Variants in RBM25 observed in about 807,000 individuals in gnomAD.
The protein encoded by RBM25 is RNA-binding protein 25.
Under a neutral mutation model 120.7 loss-of-function variants are expected in RBM25, and 19 were observed. The ratio of observed to expected loss-of-function variants is 0.16; its 90% CI spans 0.11 to 0.23. The LOEUF (loss-of-function observed/expected upper bound fraction) is 0.23, where lower values mean the gene tolerates loss of function less well. Ranked by LOEUF, RBM25 falls within the 10% of genes least tolerant of loss-of-function variation. The pLI, the probability that RBM25 is intolerant of heterozygous loss-of-function variation, is 1.00. For synonymous variants in RBM25, 390 were observed against 326.7 expected (o/e 1.19, Z -2.09); for missense variants, 605 against 1,041.5 (o/e 0.58, Z 5.77).
chr14:73,077,634 A>G (rs541990854), intron 4 of RBM25, 98 bp downstream of exon 4: 176 of 1,161,946 alleles, frequency 1.5e-4, no homozygotes, highest in Middle Eastern at 2.6e-4. Context: ...TTTTTATTTT[A>G]AAAAATTTCA....
At chr14:73,065,603 A>G (rs2140421420) in intron 1 of RBM25, among the ~76,000 whole-genome samples, 1 of 151,868 alleles carries the variant, frequency 6.6e-6, no homozygotes, top group East Asian at 1.9e-4. Flanking sequence ...TTTTTGTATT[A>G]GATACGGGGT....
chr14:73,070,452 A>C (rs1895257769), intron 1 of RBM25, among the ~76,000 whole-genome samples: 1 of 152,162 alleles, frequency 6.6e-6, no homozygotes, highest in African/African-American at 2.4e-5. Context: ...TAAAAAAAAA[A>C]ACTATGACTT....
chr14:73,120,758 C>A lies in RBM25; in HGVS notation c.*953C>A, dbSNP rs1896525874. On this transcript the variant is annotated 3_prime_UTR_variant, in exon 19 of 19. Coordinates refer to ENST00000261973, the MANE Select transcript of RBM25 (RefSeq NM_021239.3). ...TACCAAAAAGTGTAAGTGAAAACCC[C>A]CTTTAAAACAAAACAAAAAAATGAA... The A allele has an allele frequency of 6.6e-6, 1 of 151,860 alleles. No homozygotes were observed. Among genetic ancestry groups the A allele is most frequent in the African/African-American group, 2.4e-5 (1 of 41,338 alleles). 9.4% of individuals were successfully genotyped at this position (151,860 alleles called of 1,614,324 possible).
Position 73,121,086 on chromosome 14 carries a change from A to G in RBM25, c.*1281A>G, listed in dbSNP as rs1216406560. On this transcript the variant is annotated 3_prime_UTR_variant, in exon 19 of 19. Transcript: ENST00000261973. ...CCTGAAAACGTAAGAAGTTTTAAACAGCTTTTCACACAAATTAGATGCAAC... is the reference window on the plus strand; with the variant it reads ...CCTGAAAACGTAAGAAGTTTTAAACGGCTTTTCACACAAATTAGATGCAAC... 6.6e-6 allele frequency: 1 copy of G among 152,540 alleles called. No individual in the cohort carries two copies. Among genetic ancestry groups the G allele is most frequent in the Non-Finnish European group, 1.5e-5 (1 of 68,034 alleles). 9.4% of individuals were successfully genotyped at this position (152,540 alleles called of 1,614,324 possible). A position where few individuals can be genotyped will look rare whatever the true frequency, so the allele number is the denominator to read the frequency against.
At chr14:73,073,767 A>G (rs988640944) in intron 2 of RBM25, among the ~76,000 whole-genome samples, 1 of 152,234 alleles carries the variant, frequency 6.6e-6, no homozygotes, top group African/African-American at 2.4e-5. Context: ...AAGCTATTTT[A>G]GACATTATGC....
intron 5 of RBM25, among the ~76,000 whole-genome samples, chr14:73,086,305 G>A (rs1364234086): frequency 1.3e-5 from 2 of 151,878 alleles, no homozygotes; most frequent in African/African-American, 4.8e-5. Flanking sequence ...GAGTGTGGTG[G>A]TGCGCTCCTT....
At chr14:73,080,212 T>A (rs1237795847) in intron 4 of RBM25, among the ~76,000 whole-genome samples, 4 of 123,618 alleles carry the variant, frequency 3.2e-5, no homozygotes, top group East Asian at 2.4e-4. Flanking sequence ...TTCTTACACA[T>A]CTTTTTTTTT....
At position 73,112,139 on chromosome 14, in the gene RBM25, G is replaced by C. The variant is rs758001211; in HGVS notation, c.2293-13G>C. 2 of 1,585,878 alleles carry C rather than the reference G, an allele frequency of 1.3e-6. No individual in the cohort carries two copies. Among genetic ancestry groups the C allele is most frequent in the South Asian group, 2.3e-5 (2 of 86,012 alleles). On this transcript the variant is annotated splice_polypyrimidine_tract_variant and intron_variant, in intron 16 of 18. Transcript: ENST00000261973. ...ACAATTCTTTAATTCAGTAACCGTG[G>C]TTTGTTTTGCAGATACTGATGGAAC... is the stretch of plus-strand genomic sequence containing the variant.
At chr14:73,104,058 C>T (rs530054133) in intron 10 of RBM25, among the ~76,000 whole-genome samples, 2 of 150,904 alleles carry the variant, frequency 1.3e-5, no homozygotes, top group Admixed American at 1.3e-4. Flanking sequence ...TGGTTAATTT[C>T]TGTCTGAAGC....
At chr14:73,111,466 G>A (rs940044357) in intron 15 of RBM25, 62 bp from the exon 16 acceptor site, 3 of 1,477,344 alleles carry the variant, frequency 2.0e-6, no homozygotes, top group Non-Finnish European at 2.7e-6. Flanking sequence ...GAGGGATGGT[G>A]GGTTATAAAA....
chr14:73,110,243 C>G (rs1367337901), intron 14 of RBM25, among the ~76,000 whole-genome samples: 1 of 148,914 alleles, frequency 6.7e-6, no homozygotes, highest in East Asian at 2.0e-4. Context: ...AGTGCAGTAG[C>G]GGAATCTCTG....
At chr14:73,118,837 T>C (rs1321035044) in intron 18 of RBM25, among the ~76,000 whole-genome samples, 1 of 152,090 alleles carries the variant, frequency 6.6e-6, no homozygotes, top group Non-Finnish European at 1.5e-5. Context: ...GGCATGATCT[T>C]GGCTCACTGC....
At chr14:73,065,819 T>C (rs1299623263) in intron 1 of RBM25, among the ~76,000 whole-genome samples, 1 of 152,090 alleles carries the variant, frequency 6.6e-6, no homozygotes, top group Non-Finnish European at 1.5e-5. Context: ...CCTCCCAAAG[T>C]GCTGGGATTA....
rs1488938545 is a variant in RBM25, at chr14:73,111,685, C to T, written c.2175C>T (p.Thr725=). ...ATGGTGAAGATGATAAAAATGCAAC[C>T]AAAGGCACTGTAAACACTGAAGAAA... ...LDYGEDDKNA[T]KGTVNTEEKR... is the part of the protein sequence containing the mutation. Residue 725 remains threonine, a synonymous_variant, in exon 16 of 19, where the codon ACC becomes ACT. Coordinates refer to ENST00000261973, the MANE Select transcript of RBM25 (RefSeq NM_021239.3). 1 of 1,614,028 alleles carries T rather than the reference C, an allele frequency of 6.2e-7. No homozygotes were observed. The highest frequency in any genetic ancestry group is 2.2e-5 in the East Asian group (1 of 44,856).
chr14:73,103,980 ACACACACACACACACT>A (rs1896122504), intron 10 of RBM25, among the ~76,000 whole-genome samples: 13 of 136,736 alleles, frequency 9.5e-5, no homozygotes, highest in South Asian at 9.4e-4. Context: ...ACACACACAC[ACACACACACACACACT>A]CTCTCTCTCT....
At chr14:73,110,344 G>T (rs1289420045) in intron 14 of RBM25, among the ~76,000 whole-genome samples, 1 of 151,938 alleles carries the variant, frequency 6.6e-6, no homozygotes, top group Non-Finnish European at 1.5e-5. Flanking sequence ...CAGAATGCCT[G>T]ACTGAATACT....
At chr14:73,090,623 G>A (rs1362518531) in intron 6 of RBM25, among the ~76,000 whole-genome samples, 1 of 152,174 alleles carries the variant, frequency 6.6e-6, no homozygotes, top group Non-Finnish European at 1.5e-5. Flanking sequence ...ATATAAAGCA[G>A]ATCTTTATAG....
At chr14:73,082,969 A>T (rs1242404115) in intron 4 of RBM25, among the ~76,000 whole-genome samples, 1 of 151,992 alleles carries the variant, frequency 6.6e-6, no homozygotes, top group East Asian at 1.9e-4. Flanking sequence ...AGTCCCAGCT[A>T]CTTAGGAGGC....
At chr14:73,058,834 G>A (rs1448678997) in intron 1 of RBM25, 129 bp downstream of exon 1, 1 of 151,702 alleles carries the variant, frequency 6.6e-6, no homozygotes, top group African/African-American at 2.4e-5. Flanking sequence ...GCGGAGGCGG[G>A]GGTGGGGGAG....
Sources: allele counts gnomAD v4.1 joint callset (sites outside exome capture counted in the v4.1 genomes callset), GRCh38; gene constraint gnomAD v4.1.1; transcripts MANE v1.5; gene names NCBI Gene and HGNC (gene_info 2026-07-23, HGNC 2026-07-21).